Variants in SH3D19 observed in about 807,000 individuals in gnomAD.
SH3D19 encodes the protein SH3 domain containing 19.
In SH3D19, 58 loss-of-function variants were observed where a neutral mutation model predicts 112.1. The ratio of observed to expected loss-of-function variants is 0.52; its 90% CI spans 0.42 to 0.64. SH3D19 has a LOEUF of 0.64. SH3D19 is among the 30% of genes least tolerant of loss of function. The probability of loss-of-function intolerance (pLI) is 0.00; values close to 1 mark genes in which losing one functional copy is unlikely to be tolerated. For missense variants in SH3D19, 1,090 were observed against 1,263.4 expected (o/e 0.86, Z 2.08); for synonymous variants, 391 against 448.5 (o/e 0.87, Z 1.62).
chr4:151,268,654 T>C (rs867525489), intron 1 of SH3D19, among the ~76,000 whole-genome samples: 3,903 of 135,212 alleles, frequency 0.029, 149 homozygotes, highest in African/African-American at 0.1. Flanking sequence ...TGTGTTCTCA[T>C]TGTTCAATTC....
intron 3 of SH3D19, among the ~76,000 whole-genome samples, chr4:151,182,161 G>C (rs927440324): frequency 2.6e-5 from 4 of 151,862 alleles, no homozygotes; most frequent in African/African-American, 7.2e-5. Context: ...GCTCCTTTTC[G>C]TATCTTTTGT....
Position 151,148,138 on chromosome 4 carries a change from C to A in SH3D19, c.1866G>T (p.Val622=). Residue 622 remains valine, a synonymous_variant, in exon 11 of 20, where the codon GTG becomes GTT. Coordinates refer to ENST00000604030, the MANE Select transcript of SH3D19 (RefSeq NM_001378122.1). ...TTGGGGGAGGTGGTCTCTCAGGGGGCACCTTGGTTGGAGGCTGTTGAGTTG... is the reference window on the plus strand; with the variant it reads ...TTGGGGGAGGTGGTCTCTCAGGGGGAACCTTGGTTGGAGGCTGTTGAGTTG... ...TIPTQQPPTK[V]PPERPPPPKL... 1 of 1,612,808 alleles carries A rather than the reference C, an allele frequency of 6.2e-7. No individual in the cohort carries two copies. Among genetic ancestry groups the A allele is most frequent in the Admixed American group, 1.7e-5 (1 of 59,660 alleles).
At chr4:151,126,543 C>T (rs901790321) in intron 19 of SH3D19, among the ~76,000 whole-genome samples, 2 of 151,960 alleles carry the variant, frequency 1.3e-5, no homozygotes, top group Non-Finnish European at 2.9e-5. Flanking sequence ...CGCCTGTAAT[C>T]CCAGCACTTT....
chr4:151,256,205 C>T (rs1771903312), intron 1 of SH3D19, among the ~76,000 whole-genome samples: 1 of 152,176 alleles, frequency 6.6e-6, no homozygotes, highest in East Asian at 1.9e-4. Context: ...CCATTCTCTT[C>T]TAAATAGGGG....
At chr4:151,324,699 T>G (rs75939936) in intron 1 of SH3D19, among the ~76,000 whole-genome samples, 2,252 of 151,664 alleles carry the variant, frequency 0.015, 87 homozygotes, top group East Asian at 0.11. Context: ...TATTCTGGAC[T>G]TCTCTTTGCG....
intron 1 of SH3D19, among the ~76,000 whole-genome samples, chr4:151,317,688 C>T (rs765070284): frequency 2.6e-5 from 4 of 152,148 alleles, no homozygotes; most frequent in African/African-American, 4.8e-5. Flanking sequence ...AAAAGCTGAA[C>T]GTTGGCTGGG....
chr4:151,247,360 A>G (rs1019994956), intron 1 of SH3D19, among the ~76,000 whole-genome samples: 1 of 152,224 alleles, frequency 6.6e-6, no homozygotes, highest in Non-Finnish European at 1.5e-5. Context: ...ATTTCTTTGC[A>G]AACTCTGAAG....
chr4:151,186,071 A>T (rs1761727655), intron 3 of SH3D19, among the ~76,000 whole-genome samples: 1 of 152,112 alleles, frequency 6.6e-6, no homozygotes, highest in African/African-American at 2.4e-5. Flanking sequence ...TATGTTTCTA[A>T]AAATAGGGCA....
At chr4:151,227,641 T>A (rs983710535) in intron 1 of SH3D19, 5 of 511,214 alleles carry the variant, frequency 9.8e-6, no homozygotes, top group African/African-American at 2.1e-5. Context: ...TTTCTCTCAA[T>A]CATTCTCCAG....
At chr4:151,240,323 A>G (rs2149966775) in intron 1 of SH3D19, among the ~76,000 whole-genome samples, 1 of 151,942 alleles carries the variant, frequency 6.6e-6, no homozygotes, top group African/African-American at 2.4e-5. Context: ...AGGCAGGAGG[A>G]TCCCTTAAAC....
intron 1 of SH3D19, among the ~76,000 whole-genome samples, chr4:151,306,648 A>G (rs974994343): frequency 6.6e-6 from 1 of 152,220 alleles, no homozygotes; most frequent in African/African-American, 2.4e-5. Context: ...ATTACATTCT[A>G]CAAGGTTTGC....
intron 2 of SH3D19, among the ~76,000 whole-genome samples, chr4:151,218,254 A>T (rs772294748): frequency 6.6e-6 from 1 of 152,086 alleles, no homozygotes; most frequent in African/African-American, 2.4e-5. Context: ...TGTTTAATCA[A>T]TTTTTTCTGA....
chr4:151,194,534 C>A lies in SH3D19; in HGVS notation c.153-7071G>T, dbSNP rs375284817. Among the ~76,000 whole-genome samples, 24 of 151,846 alleles carry A rather than the reference C, an allele frequency of 1.6e-4. No individual in the cohort carries two copies. In the South Asian group the frequency reaches 2.9e-3, roughly 18 times the overall value. ...GTCTTTTTCAATTCTCCTGCCTCAG[C>A]CTCCCGAGTAGCTGGGATTACAGGT... On this transcript the variant is annotated intron_variant, in intron 2 of 19. Transcript: ENST00000604030.
At chr4:151,323,822 C>T (rs1479940588) in intron 1 of SH3D19, among the ~76,000 whole-genome samples, 7 of 152,208 alleles carry the variant, frequency 4.6e-5, no homozygotes, top group African/African-American at 1.7e-4. Flanking sequence ...ACATCTGGAT[C>T]ACATCTAGTC....
intron 1 of SH3D19, among the ~76,000 whole-genome samples, chr4:151,288,083 TA>T (rs890229581): frequency 6.1e-5 from 9 of 147,310 alleles, no homozygotes; most frequent in African/African-American, 1.2e-4. Flanking sequence ...CGCTTCACGT[TA>T]AAAAAAAAAC....
At chr4:151,165,776 C>A in intron 7 of SH3D19, 80 bp from the exon 8 acceptor site, 1 of 1,182,542 alleles carries the variant, frequency 8.5e-7, no homozygotes, top group South Asian at 1.3e-5. Context: ...ATTTAAGAGT[C>A]ATATTTTTCA....
At position 151,176,502 on chromosome 4, in the gene SH3D19, C is replaced by A; in HGVS notation, c.529+32G>T. On this transcript the variant is annotated intron_variant, in intron 6 of 19. Transcript: ENST00000604030. Reference sequence around the variant, plus strand: ...ACGGATTACTTCCCTAGAACTAGGTCAGAATTAGGGAAGACAAATTACTTG... The same window carrying A: ...ACGGATTACTTCCCTAGAACTAGGTAAGAATTAGGGAAGACAAATTACTTG... The A allele has an allele frequency of 2.4e-6, 3 of 1,231,222 alleles. No homozygotes were observed. In the South Asian group the frequency reaches 1.2e-4, roughly 51 times the overall value. The allele number at this position is 1,231,222 out of a possible 1,614,324, so 76.3% of individuals were successfully genotyped here. A position where few individuals can be genotyped will look rare whatever the true frequency, so the allele number is the denominator to read the frequency against.
At chr4:151,152,604 C>T (rs1392153414) in intron 9 of SH3D19, among the ~76,000 whole-genome samples, 5 of 151,252 alleles carry the variant, frequency 3.3e-5, no homozygotes, top group East Asian at 3.9e-4. Context: ...ACCAAACCTC[C>T]GCCTCCCGGG....
At chr4:151,254,026 G>A (rs535794402) in intron 1 of SH3D19, among the ~76,000 whole-genome samples, 8 of 152,214 alleles carry the variant, frequency 5.3e-5, no homozygotes, top group East Asian at 1.9e-4. Context: ...TAGAAGTGAC[G>A]CCCAGCTTTG....
Sources: allele counts gnomAD v4.1 joint callset (sites outside exome capture counted in the v4.1 genomes callset), GRCh38; gene constraint gnomAD v4.1.1; transcripts MANE v1.5; gene names NCBI Gene and HGNC (gene_info 2026-07-23, HGNC 2026-07-21).